The following FAM156A variants were observed in gnomAD, a reference collection of about 807,000 sequenced individuals.
FAM156A encodes protein FAM156A/FAM156B.
rs1174875093 is a variant in FAM156A, at chrX:52,984,888, CA to C, written c.-434+10417del. On this transcript the variant is annotated intron_variant, in intron 1 of 4. Transcript: ENST00000610625. ...TGTCTCAAAAAACAAAAAACAAAAA[CA>C]AAAAAAAAAACACAAAAGCAAAATC... Among the ~76,000 whole-genome samples, 817 of 92,280 alleles carry C rather than the reference CA, an allele frequency of 8.9e-3. 10 individuals are homozygous for C. The highest frequency in any genetic ancestry group is 0.029 in the African/African-American group (730 of 25,447). The allele number at this position is 92,280 out of a possible 115,157, so 80.1% of individuals were successfully genotyped here.
At position 52,987,915 on chromosome X, in the gene FAM156A, C is replaced by A. The variant is rs1930408988; in HGVS notation, c.-434+7391G>T. Among the ~76,000 whole-genome samples, 5 of 111,495 alleles carry A rather than the reference C, an allele frequency of 4.5e-5. No homozygotes were observed. The South Asian group carries it at 1.8e-3, about 41-fold the overall frequency. On this transcript the variant is annotated intron_variant, in intron 1 of 4. Transcript: ENST00000610625. Reference sequence around the variant, plus strand: ...TACACACATACAATGGAATATTATTCAGAAAAAAAGAAGGAACTATTGATA... The same window carrying A: ...TACACACATACAATGGAATATTATTAAGAAAAAAAGAAGGAACTATTGATA...
intron 1 of FAM156A, among the ~76,000 whole-genome samples, chrX:52,978,554 C>T (rs1171834519): frequency 1.8e-5 from 2 of 112,395 alleles, no homozygotes; most frequent in African/African-American, 3.2e-5. Flanking sequence ...ACGGGCATCG[C>T]GAAAACTCTA....
chrX:52,992,956 G>A (rs968229710), intron 1 of FAM156A, among the ~76,000 whole-genome samples: 1 of 111,846 alleles, frequency 8.9e-6, no homozygotes, highest in African/African-American at 3.3e-5. Flanking sequence ...CTCAAGCCCT[G>A]TGTCTCCCGT....
At chrX:52,980,780 CTCTGTGTGTGTGTGTGTG>C (rs1253466014) in intron 1 of FAM156A, among the ~76,000 whole-genome samples, 5 of 61,833 alleles carry the variant, frequency 8.1e-5, no homozygotes, top group Admixed American at 6.5e-4. Context: ...GTTAGGGTTC[CTCTGTGTGTGTGTGTGTG>C]TGTGTGTGTG....
rs782418778 is a variant in FAM156A, at chrX:52,989,803, CT to C, written c.-434+5502del. Among the ~76,000 whole-genome samples the C allele has an allele frequency of 2.0e-3, 224 of 112,259 alleles. 2 individuals are homozygous for C. The highest frequency in any genetic ancestry group is 6.7e-3 in the African/African-American group (207 of 30,908). On this transcript the variant is annotated intron_variant, in intron 1 of 4. Transcript: ENST00000610625. ...GTGGCCTTTTCCTGAGCCCCAGGCTCTGTTGGAGCCTGCCCCCAGTATCTTC... is the reference window on the plus strand; with the variant it reads ...GTGGCCTTTTCCTGAGCCCCAGGCTCGTTGGAGCCTGCCCCCAGTATCTTC...
chrX:52,975,051 T>TACACACACACACACACACACACAA (rs1929346746), intron 1 of FAM156A, among the ~76,000 whole-genome samples: 5 of 83,678 alleles, frequency 6.0e-5, no homozygotes, highest in Non-Finnish European at 9.2e-5. Flanking sequence ...GTTAAACACA[T>TACACACACACACACACACACACAA]ACACACACAC....
chrX:52,980,780 C>T (rs1160684124), intron 1 of FAM156A, among the ~76,000 whole-genome samples: 2 of 61,833 alleles, frequency 3.2e-5, no homozygotes, highest in African/African-American at 6.1e-5. Flanking sequence ...GTTAGGGTTC[C>T]TCTGTGTGTG....
intron 1 of FAM156A, among the ~76,000 whole-genome samples, chrX:52,989,111 T>C (rs1246887348): frequency 8.9e-6 from 1 of 111,853 alleles, no homozygotes; most frequent in Non-Finnish European, 1.9e-5. Flanking sequence ...GTTGTGATGA[T>C]GACGCATGGC....
At chrX:52,979,315 T>G (rs1287594173) in intron 1 of FAM156A, among the ~76,000 whole-genome samples, 1 of 111,378 alleles carries the variant, frequency 9.0e-6, no homozygotes, top group Non-Finnish European at 1.9e-5. Context: ...CAAAATGGTA[T>G]GGGCTCCTCT....
At chrX:52,990,721 T>A (rs782747892) in intron 1 of FAM156A, among the ~76,000 whole-genome samples, 1 of 108,185 alleles carries the variant, frequency 9.2e-6, no homozygotes, top group Non-Finnish European at 1.9e-5. Context: ...GAGGTGCAGG[T>A]TGCAGTGAGC....
At chrX:52,974,350 G>C (rs1179122898) in intron 1 of FAM156A, among the ~76,000 whole-genome samples, 2 of 112,208 alleles carry the variant, frequency 1.8e-5, no homozygotes, top group Non-Finnish European at 1.9e-5. Flanking sequence ...TCAGTAGATT[G>C]ACCATTATCC....
intron 1 of FAM156A, among the ~76,000 whole-genome samples, chrX:52,981,303 C>CTTG (rs1267220321): frequency 1.8e-5 from 2 of 110,936 alleles, no homozygotes; most frequent in African/African-American, 6.6e-5. Context: ...TTTTGTCCAG[C>CTTG]CCAAGTCTCC....
chrX:52,984,904 A>G (rs1556794119), intron 1 of FAM156A, among the ~76,000 whole-genome samples: 11 of 110,737 alleles, frequency 9.9e-5, no homozygotes, highest in Non-Finnish European at 1.7e-4. Flanking sequence ...AAAAAACACA[A>G]AAGCAAAATC....
intron 1 of FAM156A, among the ~76,000 whole-genome samples, chrX:52,991,798 G>A (rs1168099068): frequency 9.1e-6 from 1 of 109,737 alleles, no homozygotes; most frequent in Non-Finnish European, 1.9e-5. Context: ...ACCTATTCCA[G>A]CCAGGGAGAT....
intron 1 of FAM156A, among the ~76,000 whole-genome samples, chrX:52,994,789 A>G (rs1341749893): frequency 9.0e-6 from 1 of 111,066 alleles, no homozygotes; most frequent in East Asian, 2.8e-4. Context: ...AGCCTGATCA[A>G]CATAGCGAGA....
intron 1 of FAM156A, among the ~76,000 whole-genome samples, chrX:52,982,918 G>A (rs1248989392): frequency 1.8e-5 from 2 of 113,107 alleles, no homozygotes; most frequent in African/African-American, 3.2e-5. Flanking sequence ...TTACCAAGGT[G>A]TGTACACCAG....
intron 1 of FAM156A, among the ~76,000 whole-genome samples, chrX:52,978,686 A>G (rs1556792801): frequency 8.9e-6 from 1 of 112,494 alleles, no homozygotes; most frequent in African/African-American, 3.2e-5. Flanking sequence ...TCTTTAAGAG[A>G]TGGAGACTTG....
At chrX:52,985,231 C>T (rs1443727085) in intron 1 of FAM156A, among the ~76,000 whole-genome samples, 1 of 105,112 alleles carries the variant, frequency 9.5e-6, no homozygotes, top group African/African-American at 3.4e-5. Context: ...AAAAAAAAAA[C>T]AAGGAATAAG....
intron 1 of FAM156A, among the ~76,000 whole-genome samples, chrX:52,992,603 CTT>C (rs371397834): frequency 5.6e-4 from 54 of 95,781 alleles, no homozygotes; most frequent in Non-Finnish European, 5.5e-4. Flanking sequence ...ACTTGTGAGT[CTT>C]TTTTTTTTTT....
Sources: gnomAD v4.1 joint callset for allele counts (sites outside exome capture counted in the v4.1 genomes callset) on GRCh38, gnomAD v4.1.1 for gene constraint, MANE v1.5 for transcripts, NCBI Gene and HGNC (gene_info 2026-07-23, HGNC 2026-07-21) for gene names.